Variants in MCTP1 observed in about 807,000 individuals in gnomAD.
MCTP1 encodes the protein multiple C2 and transmembrane domain-containing protein 1.
Under a neutral mutation model 120.6 loss-of-function variants are expected in MCTP1, and 69 were observed. That is an observed-to-expected ratio of 0.57 (90% CI 0.47 to 0.70). MCTP1 has a LOEUF of 0.70. MCTP1 is among the 30% of genes least tolerant of loss of function. The pLI, the probability that MCTP1 is intolerant of heterozygous loss-of-function variation, is 0.00. For synonymous variants in MCTP1, 529 were observed against 493.1 expected, an observed-to-expected ratio of 1.07 and a Z score of -0.96; for missense variants, 1,203 against 1,248.8, an observed-to-expected ratio of 0.96 and a Z score of 0.55.
chr5:95,256,971 C>T (rs1352100905), intron 1 of MCTP1, among the ~76,000 whole-genome samples: 3 of 152,116 alleles, frequency 2.0e-5, no homozygotes, highest in Non-Finnish European at 4.4e-5. Context: ...CAGAGTTTTT[C>T]TGAAATACAT....
At chr5:94,937,064 AGCCAGAGGCTG>A (rs967797320) in intron 5 of MCTP1, among the ~76,000 whole-genome samples, 2 of 152,124 alleles carry the variant, frequency 1.3e-5, no homozygotes, top group African/African-American at 4.8e-5. Flanking sequence ...GATGTTCACC[AGCCAGAGGCTG>A]GCTCTGAACA....
chr5:95,256,639 T>C (rs559740422), intron 1 of MCTP1, among the ~76,000 whole-genome samples: 2 of 152,302 alleles, frequency 1.3e-5, no homozygotes, highest in African/African-American at 4.8e-5. Context: ...ACCAATTCCC[T>C]ATATTATATT....
intron 19 of MCTP1, among the ~76,000 whole-genome samples, chr5:94,766,833 C>T (rs1173559889): frequency 6.6e-6 from 1 of 152,168 alleles, no homozygotes; most frequent in African/African-American, 2.4e-5. Flanking sequence ...AACTGGATAG[C>T]TTTACTGATT....
At chr5:94,865,722 T>C (rs574625130) in intron 17 of MCTP1, among the ~76,000 whole-genome samples, 12 of 152,072 alleles carry the variant, frequency 7.9e-5, no homozygotes, top group African/African-American at 2.6e-4. Flanking sequence ...TGCTGTGATA[T>C]TAAAATTACA....
At chr5:94,947,577 T>TAGAGAGAGAGAGAGAG (rs3030518) in intron 3 of MCTP1, among the ~76,000 whole-genome samples, 4 of 47,396 alleles carry the variant, frequency 8.4e-5, no homozygotes, top group Non-Finnish European at 1.6e-4. Flanking sequence ...TATATATATA[T>TAGAGAGAGAGAGAGAG]AGAGAGAGAG....
At chr5:94,724,871 A>G (rs570422660) in intron 19 of MCTP1, among the ~76,000 whole-genome samples, 1 of 152,274 alleles carries the variant, frequency 6.6e-6, no homozygotes, top group South Asian at 2.1e-4. Context: ...ATGGACTCCA[A>G]GTGAAAGGGC....
chr5:94,843,835 C>T (rs543178996), intron 17 of MCTP1, among the ~76,000 whole-genome samples: 1 of 152,244 alleles, frequency 6.6e-6, no homozygotes, highest in South Asian at 2.1e-4. Context: ...GGGACCAGTG[C>T]ATCTGAATAA....
chr5:94,818,363 C>A (rs1427054724), intron 17 of MCTP1, among the ~76,000 whole-genome samples: 7 of 152,112 alleles, frequency 4.6e-5, no homozygotes, highest in African/African-American at 1.7e-4. Flanking sequence ...CACACCTGGC[C>A]CCCATCAGAC....
intron 19 of MCTP1, among the ~76,000 whole-genome samples, chr5:94,761,007 T>C (rs951908629): frequency 3.9e-5 from 6 of 152,200 alleles, no homozygotes; most frequent in African/African-American, 1.4e-4. Flanking sequence ...TTTAGAGATA[T>C]TAGTGATCTT....
chr5:95,240,270 G>A (rs1361622435), intron 1 of MCTP1, among the ~76,000 whole-genome samples: 1 of 152,094 alleles, frequency 6.6e-6, no homozygotes, highest in Non-Finnish European at 1.5e-5. Flanking sequence ...TATCTACAAT[G>A]CTTACCTGCA....
chr5:95,104,381 T>C (rs1252545723), intron 1 of MCTP1, among the ~76,000 whole-genome samples: 2 of 151,410 alleles, frequency 1.3e-5, no homozygotes, highest in East Asian at 3.9e-4. Flanking sequence ...TTTGTTATGA[T>C]TTACCCCATA....
intron 17 of MCTP1, among the ~76,000 whole-genome samples, chr5:94,816,569 C>G (rs1395815247): frequency 6.6e-6 from 1 of 152,008 alleles, no homozygotes; most frequent in Non-Finnish European, 1.5e-5. Context: ...ATAATTATAA[C>G]TAAGCATTTC....
chr5:94,867,477 C>T lies in MCTP1; in HGVS notation c.2436+856G>A, dbSNP rs1039117080. On this transcript the variant is annotated intron_variant, in intron 17 of 22. Coordinates refer to ENST00000515393, the MANE Select transcript of MCTP1 (RefSeq NM_024717.7). ...TGTTGATTTGTTACTATAATTAAGG[C>T]TCTTCTTGTAAGCCCCCATAATAAA... 6 of 778,002 alleles carry T rather than the reference C, an allele frequency of 7.7e-6. No individual in the cohort carries two copies. The African/African-American group carries it at 1.0e-4, about 13-fold the overall frequency. The allele number at this position is 778,002 out of a possible 1,614,324, so 48.2% of individuals were successfully genotyped here. A position where few individuals can be genotyped will look rare whatever the true frequency, so the allele number is the denominator to read the frequency against.
rs560446656 is a variant in MCTP1, at chr5:94,707,994, C to A, written c.2929-427G>T. Among the ~76,000 whole-genome samples the A allele has an allele frequency of 2.5e-3, 381 of 149,798 alleles. 3 individuals carry two copies. The highest frequency in any genetic ancestry group is 4.7e-3 in the Non-Finnish European group (316 of 67,438). ...GATTTAAAAAAAAAAAAACAAACTT[C>A]TTTTATTTTGAAAACAGCTGATGGT... On this transcript the variant is annotated intron_variant, in intron 22 of 22. Coordinates refer to ENST00000515393, the MANE Select transcript of MCTP1 (RefSeq NM_024717.7).
chr5:94,907,250 T>A (rs982049968), intron 10 of MCTP1, among the ~76,000 whole-genome samples: 1 of 152,220 alleles, frequency 6.6e-6, no homozygotes, highest in Admixed American at 6.5e-5. Flanking sequence ...TGATGATGCA[T>A]CATAGTTATT....
chr5:95,036,383 G>A (rs1003694737), intron 1 of MCTP1, among the ~76,000 whole-genome samples: 1 of 152,172 alleles, frequency 6.6e-6, no homozygotes, highest in Non-Finnish European at 1.5e-5. Flanking sequence ...TTTTGCTGAA[G>A]AATCCTTCTA....
At chr5:94,727,166 G>C (rs1762296028) in intron 19 of MCTP1, among the ~76,000 whole-genome samples, 1 of 152,182 alleles carries the variant, frequency 6.6e-6, no homozygotes, top group South Asian at 2.1e-4. Flanking sequence ...TCTAAGGCTA[G>C]CATAGACAAA....
intron 10 of MCTP1, among the ~76,000 whole-genome samples, chr5:94,905,420 T>C (rs1223265302): frequency 6.6e-6 from 1 of 152,114 alleles, no homozygotes; most frequent in African/African-American, 2.4e-5. Context: ...TGGCTGCTAA[T>C]TGGAAACAGA....
intron 1 of MCTP1, among the ~76,000 whole-genome samples, chr5:95,162,281 A>T (rs1745827636): frequency 6.6e-6 from 1 of 152,216 alleles, no homozygotes; most frequent in Non-Finnish European, 1.5e-5. Context: ...CTTCTTTGAG[A>T]GACAAGGGTG....
Sources: gnomAD v4.1 joint callset for allele counts (sites outside exome capture counted in the v4.1 genomes callset) on GRCh38, gnomAD v4.1.1 for gene constraint, MANE v1.5 for transcripts, NCBI Gene and HGNC (gene_info 2026-07-23, HGNC 2026-07-21) for gene names.